PRKCZ: variants seen among roughly 807,000 people sequenced by gnomAD.
PRKCZ encodes protein kinase C zeta type.
Under a neutral mutation model 79.5 loss-of-function variants are expected in PRKCZ, and 33 were observed. The ratio of observed to expected loss-of-function variants is 0.41; its 90% confidence interval spans 0.31 to 0.55. The LOEUF (loss-of-function observed/expected upper bound fraction) is 0.55, where lower values mean the gene tolerates loss of function less well. PRKCZ is among the 20% of genes least tolerant of loss of function. The pLI, the probability that PRKCZ is intolerant of heterozygous loss-of-function variation, is 0.19. For missense variants in PRKCZ, 578 were observed against 813.5 expected (o/e 0.71, Z 3.52); for synonymous variants, 342 against 320.9 (o/e 1.07, Z -0.70).
chr1:2,054,075 G>A (rs191726616), intron 1 of PRKCZ, among the ~76,000 whole-genome samples: 3 of 152,174 alleles, frequency 2.0e-5, no homozygotes, highest in African/African-American at 4.8e-5. Context: ...GCTGTGGACC[G>A]ATCCTGTGTT....
At chr1:2,152,439 G>A (rs1458723149) in intron 9 of PRKCZ, among the ~76,000 whole-genome samples, 1 of 152,190 alleles carries the variant, frequency 6.6e-6, no homozygotes, top group Non-Finnish European at 1.5e-5. Context: ...GGCTGAGACA[G>A]GAGAATCGCT....
At chr1:2,171,057 G>A (rs1250043184) in intron 11 of PRKCZ, among the ~76,000 whole-genome samples, 3 of 152,150 alleles carry the variant, frequency 2.0e-5, no homozygotes, top group African/African-American at 4.8e-5. Flanking sequence ...TAGGCCGGGC[G>A]TGGTGGCTCA....
chr1:2,133,140 C>T (rs756482464), intron 4 of PRKCZ, among the ~76,000 whole-genome samples: 4 of 152,168 alleles, frequency 2.6e-5, no homozygotes, highest in African/African-American at 7.2e-5. Flanking sequence ...GTCCAGTTGG[C>T]GCATTTTCAG....
chr1:2,171,978 G>T (rs1571987702), intron 11 of PRKCZ, 77 bp from the exon 12 acceptor site: 2 of 1,504,510 alleles, frequency 1.3e-6, no homozygotes, highest in African/African-American at 1.4e-5. Flanking sequence ...AAACGGGAGT[G>T]TGTGGCCCCC....
chr1:2,050,509 C>G lies in PRKCZ; in HGVS notation c.-122C>G. On this transcript the variant is annotated 5_prime_UTR_variant, in exon 1 of 18. Coordinates refer to ENST00000378567, the MANE Select transcript of PRKCZ (RefSeq NM_002744.6). ...CGGAGTTCCGCGGAGTTGACCGGGT[C>G]GGCGCCGTCGGTCCTGAGCGCTGCC... The G allele has an allele frequency of 2.0e-6, 1 of 509,438 alleles. No homozygotes were observed. The highest frequency in any genetic ancestry group is 2.9e-6 in the Non-Finnish European group (1 of 350,522). 31.6% of individuals were successfully genotyped at this position (509,438 alleles called of 1,614,324 possible). A position where few individuals can be genotyped will look rare whatever the true frequency, so the allele number is the denominator to read the frequency against.
At chr1:2,106,340 C>T (rs1354597215) in intron 4 of PRKCZ, among the ~76,000 whole-genome samples, 2 of 152,348 alleles carry the variant, frequency 1.3e-5, no homozygotes, top group Admixed American at 6.5e-5. Context: ...AGTGAGGCCT[C>T]GTGCACACCC....
rs147145876 is a variant in PRKCZ, at chr1:2,055,558, C to G, written c.189C>G (p.Ser63Arg). 6.2e-7 allele frequency: 1 copy of G among 1,612,906 alleles called. No individual in the cohort carries two copies. The highest frequency in any genetic ancestry group is 1.7e-5 in the Admixed American group (1 of 59,784). ...CGCTCACCCTCAAGTGGGTGGACAG[C>G]GAAGGTAGCCCTTGTCCCATGTTGG... is the stretch of plus-strand genomic sequence containing the variant. ...QHPLTLKWVD[S>R]EGDPCTVSSQ... The change falls in exon 2 of 18, where the codon AGC (serine) becomes AGG (arginine). Residue 63 changes from serine (S) to arginine (R), a missense_variant. Ser to Arg is a moderately radical substitution (Grantham distance 110). This residue lies in a region of PRKCZ where 228 missense variants were observed against 211.6 expected (regional missense o/e 1.08). Transcript: ENST00000378567.
chr1:2,168,148 C>T lies in PRKCZ; in HGVS notation c.975-1370C>T, dbSNP rs892878442. 6.6e-6 allele frequency among the ~76,000 whole-genome samples: 1 copy of T among 152,144 alleles called. No homozygotes were observed. The highest frequency in any genetic ancestry group is 1.5e-5 in the Non-Finnish European group (1 of 68,022). ...GATTGGCAAACTTTTTCTTGAAGGG[C>T]CCAAGAGTAGACATTTTTGGCTTTG... On this transcript the variant is annotated intron_variant, in intron 10 of 17. Coordinates refer to ENST00000378567, the MANE Select transcript of PRKCZ (RefSeq NM_002744.6). The surrounding 1 kb of genome is among the most constrained non-coding windows in gnomAD (Gnocchi z 4.7).
At chr1:2,090,465 C>T (rs574859614) in intron 4 of PRKCZ, among the ~76,000 whole-genome samples, 2 of 151,624 alleles carry the variant, frequency 1.3e-5, no homozygotes, top group South Asian at 2.1e-4. Flanking sequence ...TGGTGCTGGC[C>T]GTCTCACCAC....
Position 2,094,591 on chromosome 1 carries a change from CCCG to C in PRKCZ, c.334+35002_334+35004del, listed in dbSNP as rs1666113856. ...CTTGGGCGCTGCCCGTTCTGAGGCGCCCGCTGTGCCCGGCTCGATGAACCTTGG... is the reference window on the plus strand; with the variant it reads ...CTTGGGCGCTGCCCGTTCTGAGGCGCCTGTGCCCGGCTCGATGAACCTTGG... On this transcript the variant is annotated intron_variant, in intron 4 of 17. Transcript: ENST00000378567. This position sits in a 1 kb window ranked among gnomAD's most constrained non-coding sequence, Gnocchi z 7.3. Among the ~76,000 whole-genome samples the C allele has an allele frequency of 2.3e-5, 2 of 87,288 alleles. No individual in the cohort carries two copies. The highest frequency in any genetic ancestry group is 4.0e-5 in the Non-Finnish European group (2 of 50,256). The allele number at this position is 87,288 out of a possible 152,430, so 57.3% of individuals were successfully genotyped here.
intron 10 of PRKCZ, among the ~76,000 whole-genome samples, chr1:2,159,683 A>C (rs1681831589): frequency 6.6e-6 from 1 of 152,238 alleles, no homozygotes; most frequent in East Asian, 1.9e-4. Flanking sequence ...TTACAGTTCA[A>C]CATTAGTCTC....
intron 10 of PRKCZ, among the ~76,000 whole-genome samples, chr1:2,167,585 G>T (rs1683590658): frequency 6.6e-6 from 1 of 152,044 alleles, no homozygotes; most frequent in African/African-American, 2.4e-5. Flanking sequence ...TCACCCTAAG[G>T]GTTTTTGTGG....
chr1:2,130,024 T>G lies in PRKCZ; in HGVS notation c.335-5238T>G, dbSNP rs191412275. 8.1e-3 allele frequency among the ~76,000 whole-genome samples: 1,233 copies of G among 152,266 alleles called. 28 individuals are homozygous for G. Among genetic ancestry groups the G allele is most frequent in the African/African-American group, 0.028 (1,153 of 41,540 alleles). ...CTCAGGTGATCCTCCCACCTCAGCCTCCCGAGTAGCTGGGACTATAGGTGC... is the reference window on the plus strand; with the variant it reads ...CTCAGGTGATCCTCCCACCTCAGCCGCCCGAGTAGCTGGGACTATAGGTGC... On this transcript the variant is annotated intron_variant, in intron 4 of 17. Transcript: ENST00000378567.
chr1:2,158,095 C>G (rs1217197609), intron 10 of PRKCZ, among the ~76,000 whole-genome samples: 1 of 152,202 alleles, frequency 6.6e-6, no homozygotes, highest in Non-Finnish European at 1.5e-5. Flanking sequence ...TCGGAAGAGC[C>G]GGCGTGACCC....
At chr1:2,179,703 T>A (rs1441536517) in intron 16 of PRKCZ, among the ~76,000 whole-genome samples, 1 of 152,190 alleles carries the variant, frequency 6.6e-6, no homozygotes, top group Non-Finnish European at 1.5e-5. Context: ...AGATTCTGCC[T>A]CAGGGCCAGG....
intron 4 of PRKCZ, among the ~76,000 whole-genome samples, chr1:2,078,112 C>A (rs72636371): frequency 6.6e-6 from 1 of 152,242 alleles, no homozygotes; most frequent in African/African-American, 2.4e-5. Context: ...GCACCTGGCC[C>A]CCCACACAAC....
intron 10 of PRKCZ, among the ~76,000 whole-genome samples, chr1:2,157,404 C>CT (rs574013775): frequency 3.1e-4 from 46 of 146,252 alleles, no homozygotes; most frequent in East Asian, 6.0e-4. Context: ...TATTCCAAAG[C>CT]TTTTTTTTTT....
chr1:2,074,588 C>A, intron 4 of PRKCZ: 2 of 502,862 alleles, frequency 4.0e-6, no homozygotes, highest in South Asian at 5.2e-5. Flanking sequence ...GGCCTGCGGT[C>A]TTTCCGTCTC....
chr1:2,111,214 T>C (rs1288219302), intron 4 of PRKCZ, among the ~76,000 whole-genome samples: 2 of 151,922 alleles, frequency 1.3e-5, no homozygotes, highest in East Asian at 3.9e-4. Context: ...TACTGAGCCC[T>C]CAGGAGGGTG....
Sources: allele counts gnomAD v4.1 joint callset (sites outside exome capture counted in the v4.1 genomes callset), GRCh38; gene constraint gnomAD v4.1.1; regional missense constraint gnomAD v4.1.1; non-coding constraint Gnocchi (gnomAD v3.1); transcripts MANE v1.5; gene names NCBI Gene and HGNC (gene_info 2026-07-23, HGNC 2026-07-21).